The following GSTA3 variants were observed in gnomAD, a reference collection of about 807,000 sequenced individuals.
The protein encoded by GSTA3 is glutathione S-transferase alpha 3.
A neutral mutation model predicts 23.1 loss-of-function variants in GSTA3; 16 were observed. The ratio of observed to expected loss-of-function variants is 0.69; its 90% CI spans 0.47 to 1.05. The LOEUF (loss-of-function observed/expected upper bound fraction) is 1.05, where lower values mean the gene tolerates loss of function less well. Among genes scored for constraint, GSTA3 ranks in the 50% least tolerant of loss-of-function variants. GSTA3 has a pLI of 0.00. For synonymous variants in GSTA3, 122 were observed against 91.0 expected, an observed-to-expected ratio of 1.34 and a Z score of -1.94; for missense variants, 319 against 263.6, an observed-to-expected ratio of 1.21 and a Z score of -1.46.
In GSTA3 at chr6:52,896,887, C is replaced by G. The variant is rs1765464547; in HGVS notation, c.588G>C (p.Lys196Asn). The G allele has an allele frequency of 1.9e-6, 3 of 1,614,092 alleles. No homozygotes were observed. Among genetic ancestry groups the G allele is most frequent in the Non-Finnish European group, 2.5e-6 (3 of 1,179,950 alleles). The part of the protein sequence containing the change: ...TRISNLPTVK[K>N]FLQPGSPRKP... ...TCCTTGGGCTGCCAGGCTGTAGAAACTTCTTCACCGTGGGCAGGTTGCTGA... is the reference window on the plus strand; with the variant it reads ...TCCTTGGGCTGCCAGGCTGTAGAAAGTTCTTCACCGTGGGCAGGTTGCTGA... Residue 196 changes from lysine (K) to asparagine (N), a missense_variant, in exon 7 of 7, where the codon AAG (lysine) becomes AAC (asparagine). Coordinates refer to ENST00000211122, the MANE Select transcript of GSTA3 (RefSeq NM_000847.5).
intron 1 of GSTA3, 143 bp from the exon 2 acceptor site, chr6:52,905,998 A>T (rs1765880065): frequency 6.2e-6 from 3 of 484,216 alleles, no homozygotes; most frequent in East Asian, 7.5e-5. Context: ...TTCTGTTTGC[A>T]CTAGACAGGT....
chr6:52,908,605 A>G (rs1765972174), intron 1 of GSTA3, among the ~76,000 whole-genome samples: 1 of 152,248 alleles, frequency 6.6e-6, no homozygotes, highest in South Asian at 2.1e-4. Flanking sequence ...TGCTGTTTAA[A>G]AAGAATTATC....
intron 1 of GSTA3, among the ~76,000 whole-genome samples, 166 bp downstream of exon 1, chr6:52,909,475 C>A (rs891591443): frequency 3.3e-5 from 5 of 152,062 alleles, no homozygotes; most frequent in Non-Finnish European, 7.4e-5. Flanking sequence ...TTTTCTTTAC[C>A]GACCTGTCCT....
rs1765505694 is a variant in GSTA3, at chr6:52,897,753, C to CA, written c.546+71dup. ...GGCTGGGGTCAGAACATGGCCAGTC[C>CA]AAGGGCCCAGATACTAGATCCCAAG... On this transcript the variant is annotated intron_variant, in intron 6 of 6. Transcript: ENST00000211122. The CA allele has an allele frequency of 1.9e-6, 3 of 1,569,780 alleles. No individual in the cohort carries two copies. In the South Asian group the frequency reaches 3.3e-5, roughly 17 times the overall value.
At chr6:52,903,863 A>G (rs1403221199) in intron 2 of GSTA3, 136 bp from the exon 3 acceptor site, 15 of 629,180 alleles carry the variant, frequency 2.4e-5, no homozygotes, top group Middle Eastern at 2.6e-4. Context: ...ACACAGAAGA[A>G]GCTGGTCATG....
intron 4 of GSTA3, among the ~76,000 whole-genome samples, chr6:52,901,207 T>C (rs1055652951): frequency 6.6e-6 from 1 of 152,216 alleles, no homozygotes; most frequent in Admixed American, 6.5e-5. Context: ...TCTGCAAATA[T>C]CATCACACTC....
rs192799593 is a variant in GSTA3, at chr6:52,902,063, T to A, written c.272+283A>T. ...AAGGCTTGAGCACCTGGAATCATTA[T>A]TCCCCATCCTCCTGAGTTCATGGTT... is the stretch of plus-strand genomic sequence containing the variant. On this transcript the variant is annotated intron_variant, in intron 4 of 6. Transcript: ENST00000211122. Among the ~76,000 whole-genome samples the A allele has an allele frequency of 2.0e-5, 3 of 152,344 alleles. No homozygotes were observed. In the East Asian group the frequency reaches 5.8e-4, roughly 29 times the overall value.
At chr6:52,908,801 G>T (rs369471913) in intron 1 of GSTA3, among the ~76,000 whole-genome samples, 2 of 152,158 alleles carry the variant, frequency 1.3e-5, no homozygotes, top group African/African-American at 2.4e-5. Flanking sequence ...TTAAGAGGGG[G>T]TTATTATTAT....
At position 52,896,698 on chromosome 6, in the gene GSTA3, G is replaced by T; in HGVS notation, c.*108C>A. ...TTTAATTAGCATATAATTGGAAAGG[G>T]TTCATTAGCTTTACAACAGGCACAA... On this transcript the variant is annotated 3_prime_UTR_variant, in exon 7 of 7. Transcript: ENST00000211122. 1 of 1,285,714 alleles carries T rather than the reference G, an allele frequency of 7.8e-7. No homozygotes were observed. Among genetic ancestry groups the T allele is most frequent in the Non-Finnish European group, 1.1e-6 (1 of 914,290 alleles). 79.6% of individuals were successfully genotyped at this position (1,285,714 alleles called of 1,614,324 possible).
chr6:52,903,388 C>G (rs952407597), intron 3 of GSTA3, among the ~76,000 whole-genome samples: 1 of 150,948 alleles, frequency 6.6e-6, no homozygotes, highest in Non-Finnish European at 1.5e-5. Context: ...GAGATCGAGA[C>G]CATCCTGGCT....
intron 2 of GSTA3, among the ~76,000 whole-genome samples, chr6:52,905,384 C>T (rs1020358397): frequency 6.6e-6 from 1 of 152,066 alleles, no homozygotes; most frequent in Non-Finnish European, 1.5e-5. Context: ...AAAAATTTAA[C>T]AGTAATTCTT....
intron 4 of GSTA3, among the ~76,000 whole-genome samples, chr6:52,900,920 C>A (rs1203056215): frequency 1.3e-5 from 2 of 152,190 alleles, no homozygotes; most frequent in Non-Finnish European, 2.9e-5. Flanking sequence ...CAATTACTCC[C>A]ATGAAACATA....
At chr6:52,906,175 A>C (rs1469269901) in intron 1 of GSTA3, among the ~76,000 whole-genome samples, 1 of 152,204 alleles carries the variant, frequency 6.6e-6, no homozygotes, top group Non-Finnish European at 1.5e-5. Context: ...TAAAAACTAT[A>C]TGTTCTATTG....
At chr6:52,905,708 C>A in intron 2 of GSTA3, 40 bp downstream of exon 2, 2 of 1,125,000 alleles carry the variant, frequency 1.8e-6, no homozygotes, top group South Asian at 2.5e-5. Flanking sequence ...TTGATACAGT[C>A]AATTAGGTCC....
intron 5 of GSTA3, 107 bp from the exon 6 acceptor site, chr6:52,898,063 T>A: frequency 1.6e-6 from 2 of 1,285,168 alleles, no homozygotes; most frequent in Non-Finnish European, 2.2e-6. Flanking sequence ...GTTGCCTAAC[T>A]GGATGGTGTG....
At chr6:52,901,963 C>T (rs1765699238) in intron 4 of GSTA3, among the ~76,000 whole-genome samples, 1 of 152,198 alleles carries the variant, frequency 6.6e-6, no homozygotes, top group Non-Finnish European at 1.5e-5. Context: ...GCAGTCTTCC[C>T]TCCCCAGGCC....
intron 1 of GSTA3, among the ~76,000 whole-genome samples, chr6:52,906,279 C>A (rs1038624883): frequency 1.3e-5 from 2 of 152,038 alleles, no homozygotes; most frequent in African/African-American, 2.4e-5. Flanking sequence ...ATATGTTGAA[C>A]CCCAAAGAAA....
intron 5 of GSTA3, among the ~76,000 whole-genome samples, chr6:52,898,198 C>T (rs1189395739): frequency 6.6e-6 from 1 of 152,136 alleles, no homozygotes; most frequent in Non-Finnish European, 1.5e-5. Flanking sequence ...GTGGCATCCA[C>T]ACCATCCACC....
intron 2 of GSTA3, among the ~76,000 whole-genome samples, chr6:52,904,143 C>T (rs900935820): frequency 6.6e-6 from 1 of 152,102 alleles, no homozygotes; most frequent in East Asian, 1.9e-4. Flanking sequence ...TGCACCATCA[C>T]ATCCAGCTAA....
Sources: gnomAD v4.1 joint callset for allele counts (sites outside exome capture counted in the v4.1 genomes callset) on GRCh38, gnomAD v4.1.1 for gene constraint, MANE v1.5 for transcripts, NCBI Gene and HGNC (gene_info 2026-07-23, HGNC 2026-07-21) for gene names.